Variants in FAR2 observed in about 807,000 individuals in gnomAD.
FAR2 encodes fatty acyl-CoA reductase 2, also known as epididymis secretory protein Li 81.
A neutral mutation model predicts 56.0 loss-of-function variants in FAR2; 19 were observed. The observed-to-expected ratio is 0.34, with a 90% confidence interval of 0.24 to 0.50. FAR2 has a LOEUF of 0.50. FAR2 is among the 20% of genes least tolerant of loss of function. FAR2 has a pLI of 0.98. For synonymous variants in FAR2, 219 were observed against 218.8 expected, an observed-to-expected ratio of 1.00 and a Z score of -0.01; for missense variants, 508 against 642.2, an observed-to-expected ratio of 0.79 and a Z score of 2.26.
At chr12:29,232,254 C>T (rs1947871137) in intron 1 of FAR2, among the ~76,000 whole-genome samples, 1 of 152,186 alleles carries the variant, frequency 6.6e-6, no homozygotes, top group South Asian at 2.1e-4. Flanking sequence ...CTAACACCTC[C>T]TGAGGTCTGC....
At chr12:29,227,820 C>T (rs1166539082) in intron 1 of FAR2, among the ~76,000 whole-genome samples, 2 of 151,138 alleles carry the variant, frequency 1.3e-5, no homozygotes, top group Non-Finnish European at 2.9e-5. Context: ...TTAGACTTAA[C>T]ACTAGAACCA....
At chr12:29,229,882 A>G (rs1224711615) in intron 1 of FAR2, among the ~76,000 whole-genome samples, 1 of 152,192 alleles carries the variant, frequency 6.6e-6, no homozygotes, top group Non-Finnish European at 1.5e-5. Flanking sequence ...CATCTGAAGG[A>G]TGACTGGGAG....
intron 1 of FAR2, among the ~76,000 whole-genome samples, chr12:29,172,866 TGTTTTTGACTCCA>T (rs1565680932): frequency 1.3e-5 from 2 of 152,138 alleles, no homozygotes; most frequent in Admixed American, 6.5e-5. Context: ...GGTCAACAGA[TGTTTTTGACTCCA>T]GTCCCCATGA....
At chr12:29,158,869 A>G (rs1383143299) in intron 1 of FAR2, among the ~76,000 whole-genome samples, 1 of 152,346 alleles carries the variant, frequency 6.6e-6, no homozygotes, top group East Asian at 1.9e-4. Flanking sequence ...GTGGCTTGTC[A>G]CACATCTAGT....
intron 1 of FAR2, among the ~76,000 whole-genome samples, chr12:29,166,007 T>G (rs1949823695): frequency 6.6e-6 from 1 of 152,272 alleles, no homozygotes; most frequent in East Asian, 1.9e-4. Flanking sequence ...ATTTCAGTCT[T>G]GGCTCTGTCA....
At chr12:29,297,816 C>T (rs866406662) in intron 4 of FAR2, among the ~76,000 whole-genome samples, 7 of 151,980 alleles carry the variant, frequency 4.6e-5, no homozygotes, top group Non-Finnish European at 7.4e-5. Context: ...GAGGCTGAGG[C>T]GGGTGGATCA....
intron 10 of FAR2, among the ~76,000 whole-genome samples, chr12:29,328,370 A>C (rs1949680482): frequency 6.6e-6 from 1 of 152,226 alleles, no homozygotes; most frequent in Non-Finnish European, 1.5e-5. Flanking sequence ...ATCTAGAGCT[A>C]GAAATACCAT....
chr12:29,293,306 G>C lies in FAR2; in HGVS notation c.196G>C (p.Glu66Gln), dbSNP rs370787314. The change falls in exon 3 of 12, where the codon GAG (glutamate) becomes CAG (glutamine). Residue 66 changes from glutamate (E) to glutamine (Q), a missense_variant. Physicochemically the swap from Glu to Gln is conservative, Grantham distance 29. Transcript: ENST00000536681. ...VFQILDSKLF[E>Q]KVKEVCPNVH... Reference sequence around the variant, plus strand: ...ATCTATATTTATGTTTCAGCTATTTGAGAAAGTCAAAGAAGTTTGTCCAAA... The same window carrying C: ...ATCTATATTTATGTTTCAGCTATTTCAGAAAGTCAAAGAAGTTTGTCCAAA... 3.4e-5 allele frequency: 54 copies of C among 1,573,600 alleles called. No individual in the cohort carries two copies. The African/African-American group carries it at 6.8e-4, about 20-fold the overall frequency.
chr12:29,161,206 C>A lies in FAR2; in HGVS notation c.-39+11799C>A, dbSNP rs187917423. Among the ~76,000 whole-genome samples, 300 of 152,288 alleles carry A rather than the reference C, an allele frequency of 2.0e-3. 1 individual carries two copies. Among genetic ancestry groups the A allele is most frequent in the Admixed American group, 3.3e-3 (50 of 15,294 alleles). ...AACACACACAGACACCTCCCAGATT[C>A]TATCTTCCAAGTTAAAAAAGAAAAG... On this transcript the variant is annotated intron_variant, in intron 1 of 11. Transcript: ENST00000536681.
chr12:29,303,751 G>A (rs764790813), intron 4 of FAR2, among the ~76,000 whole-genome samples: 2 of 152,206 alleles, frequency 1.3e-5, no homozygotes, highest in Non-Finnish European at 2.9e-5. Flanking sequence ...TCTAGCACTT[G>A]TGCTTTTAAT....
At chr12:29,275,271 A>G (rs11833741) in intron 2 of FAR2, among the ~76,000 whole-genome samples, 151,044 of 151,904 alleles carry the variant, frequency 0.99, 75,099 homozygotes, top group East Asian at 1. Context: ...AAGGTACTCA[A>G]TGGGGGAGCT....
At chr12:29,212,588 A>T (rs1682401787) in intron 1 of FAR2, among the ~76,000 whole-genome samples, 1 of 152,130 alleles carries the variant, frequency 6.6e-6, no homozygotes, top group South Asian at 2.1e-4. Flanking sequence ...CCAGCTTTGA[A>T]TTCTTGCCAG....
chr12:29,316,214 C>G (rs1165100476), intron 8 of FAR2, among the ~76,000 whole-genome samples: 1 of 151,810 alleles, frequency 6.6e-6, no homozygotes, highest in Admixed American at 6.6e-5. Context: ...GAAACAACTA[C>G]TGAATTCACA....
At chr12:29,273,795 T>G (rs1387689422) in intron 2 of FAR2, among the ~76,000 whole-genome samples, 1 of 152,210 alleles carries the variant, frequency 6.6e-6, no homozygotes, top group Non-Finnish European at 1.5e-5. Context: ...CGGAGTGGGC[T>G]CTTCTGACCC....
chr12:29,258,827 T>G (rs1250043483), intron 1 of FAR2, among the ~76,000 whole-genome samples: 1 of 152,242 alleles, frequency 6.6e-6, no homozygotes, highest in African/African-American at 2.4e-5. Flanking sequence ...ATTGAGAAGC[T>G]TAAGTTTTGT....
chr12:29,196,422 G>T (rs1380904457), intron 1 of FAR2, among the ~76,000 whole-genome samples: 1 of 152,044 alleles, frequency 6.6e-6, no homozygotes, highest in Non-Finnish European at 1.5e-5. Flanking sequence ...CTTTTAATTT[G>T]CATTTCTCTG....
At chr12:29,258,204 A>AAT (rs959427744) in intron 1 of FAR2, among the ~76,000 whole-genome samples, 1 of 151,606 alleles carries the variant, frequency 6.6e-6, no homozygotes, top group African/African-American at 2.4e-5. Flanking sequence ...AAAATGCAAA[A>AAT]ATTAGCCAGG....
chr12:29,253,089 T>C (rs1948238773), intron 1 of FAR2, among the ~76,000 whole-genome samples: 1 of 152,130 alleles, frequency 6.6e-6, no homozygotes, highest in African/African-American at 2.4e-5. Context: ...GTCTCCACCC[T>C]GCTAGCCTAA....
chr12:29,309,063 A>C lies in FAR2; in HGVS notation c.724-123A>C, dbSNP rs139601241. ...TGAGATCTTAATAATACTGAATTAG[A>C]TAGTTCTATTGGCTGGGATCTCAGT... On this transcript the variant is annotated intron_variant, in intron 5 of 11. Transcript: ENST00000536681. The C allele has an allele frequency of 8.7e-4, 642 of 733,774 alleles. 3 individuals are homozygous for C. The African/African-American group carries it at 0.01, about 12-fold the overall frequency. The allele number at this position is 733,774 out of a possible 1,614,324, so 45.5% of individuals were successfully genotyped here. A position where few individuals can be genotyped will look rare whatever the true frequency, so the allele number is the denominator to read the frequency against.
Sources: gnomAD v4.1 joint callset for allele counts (sites outside exome capture counted in the v4.1 genomes callset) on GRCh38, gnomAD v4.1.1 for gene constraint, MANE v1.5 for transcripts, NCBI Gene and HGNC (gene_info 2026-07-23, HGNC 2026-07-21) for gene names.